The following AFDN variants were observed in gnomAD, a reference collection of about 807,000 sequenced individuals.
AFDN encodes afadin, adherens junction formation factor.
AFDN carries 68 observed loss-of-function variants against 216.6 expected under a neutral mutation model. The ratio of observed to expected loss-of-function variants is 0.31; its 90% CI spans 0.26 to 0.38. AFDN has a LOEUF of 0.38. AFDN is among the 10% of genes least tolerant of loss of function. The pLI, the probability that AFDN is intolerant of heterozygous loss-of-function variation, is 1.00. For missense variants in AFDN, 2,136 were observed against 2,342.0 expected (o/e 0.91, Z 1.82); for synonymous variants, 868 against 853.7 (o/e 1.02, Z -0.29).
chr6:167,875,628 A>G (rs1043022548), intron 5 of AFDN, 133 bp downstream of exon 5: 19 of 899,846 alleles, frequency 2.1e-5, no homozygotes, highest in Non-Finnish European at 2.9e-5. Flanking sequence ...TGTACCATAT[A>G]CTTCTGGTAC....
Position 167,844,002 on chromosome 6 carries a change from GTATT to G in AFDN, c.105+16770_105+16773del, listed in dbSNP as rs1446860925. Among the ~76,000 whole-genome samples the G allele has an allele frequency of 3.9e-5, 6 of 152,226 alleles. No homozygotes were observed. In the East Asian group the frequency reaches 1.2e-3, roughly 29 times the overall value. The stretch of plus-strand genomic sequence containing the variant: ...TTATAGCAAGAGATATGGAGAGCTT[GTATT>G]TATTAAGATTTATGTGGATAAAATT... On this transcript the variant is annotated intron_variant, in intron 1 of 33. Transcript: ENST00000683244.
chr6:167,902,092 C>CAAAAA (rs35449284), intron 11 of AFDN, among the ~76,000 whole-genome samples: 4 of 82,180 alleles, frequency 4.9e-5, no homozygotes, highest in Non-Finnish European at 9.8e-5. Flanking sequence ...GACTTCATCT[C>CAAAAA]AAAAAAAAAA....
At chr6:167,885,745 G>A (rs1217832755) in intron 6 of AFDN, among the ~76,000 whole-genome samples, 2 of 152,252 alleles carry the variant, frequency 1.3e-5, no homozygotes, top group Non-Finnish European at 2.9e-5. Flanking sequence ...CGTGCTCAAC[G>A]CAGGCTTGCC....
At chr6:167,858,709 C>A (rs1048625702) in intron 1 of AFDN, among the ~76,000 whole-genome samples, 3 of 152,154 alleles carry the variant, frequency 2.0e-5, no homozygotes, top group Admixed American at 2.0e-4. Context: ...GGTGTAAATT[C>A]TTTTTCTAGA....
intron 23 of AFDN, among the ~76,000 whole-genome samples, chr6:167,933,675 A>G (rs571443575): frequency 2.0e-4 from 31 of 152,366 alleles, no homozygotes; most frequent in Admixed American, 5.2e-4. Flanking sequence ...TTGTGTATCA[A>G]AAGCAAAATA....
At chr6:167,900,935 A>G (rs1276407989) in intron 11 of AFDN, among the ~76,000 whole-genome samples, 2 of 152,238 alleles carry the variant, frequency 1.3e-5, no homozygotes, top group Non-Finnish European at 2.9e-5. Flanking sequence ...TTGTGTGCAG[A>G]AAATTGACAA....
intron 30 of AFDN, among the ~76,000 whole-genome samples, chr6:167,955,218 T>A (rs1796376352): frequency 1.3e-5 from 2 of 152,182 alleles, no homozygotes; most frequent in Non-Finnish European, 2.9e-5. Context: ...CAAAAGCCAA[T>A]ATCAGACGGT....
In AFDN at chr6:167,970,775, A is replaced by C. The variant is rs1029794213; in HGVS notation, c.*840A>C. On this transcript the variant is annotated 3_prime_UTR_variant, in exon 34 of 34. Coordinates refer to ENST00000683244, the MANE Select transcript of AFDN (RefSeq NM_001386888.1). Reference sequence around the variant, plus strand: ...CTCCAAGGCGTCTGTAAAAGAAGATATCTTTATTGGAGCAATGTTCATGTG... The same window carrying C: ...CTCCAAGGCGTCTGTAAAAGAAGATCTCTTTATTGGAGCAATGTTCATGTG... 1 of 219,116 alleles carries C rather than the reference A, an allele frequency of 4.6e-6. No homozygotes were observed. The allele number at this position is 219,116 out of a possible 1,614,324, so 13.6% of individuals were successfully genotyped here.
At chr6:167,833,630 T>A (rs182798911) in intron 1 of AFDN, among the ~76,000 whole-genome samples, 1 of 152,338 alleles carries the variant, frequency 6.6e-6, no homozygotes, top group East Asian at 1.9e-4. Flanking sequence ...CTGATTTTTT[T>A]ATAGGAGAAC....
intron 27 of AFDN, 34 bp downstream of exon 27, chr6:167,946,935 C>T (rs768141011): frequency 1.9e-6 from 3 of 1,561,758 alleles, no homozygotes; most frequent in South Asian, 2.3e-5. Flanking sequence ...CCTAAGTACA[C>T]TTGTGATCAC....
intron 13 of AFDN, among the ~76,000 whole-genome samples, chr6:167,909,371 A>C (rs1003645343): frequency 4.6e-5 from 7 of 151,810 alleles, no homozygotes; most frequent in African/African-American, 1.5e-4. Context: ...TGGTGCATGG[A>C]GAAGGTGAGG....
chr6:167,935,735 A>G (rs548742032), intron 23 of AFDN, among the ~76,000 whole-genome samples: 1 of 152,088 alleles, frequency 6.6e-6, no homozygotes, highest in African/African-American at 2.4e-5. Flanking sequence ...TTCTGGAGTT[A>G]TCTATAATAT....
chr6:167,898,575 T>TTG (rs1380433641), intron 11 of AFDN, 108 bp downstream of exon 11: 109 of 1,256,986 alleles, frequency 8.7e-5, no homozygotes, highest in Non-Finnish European at 1.1e-4. Context: ...TTTAAAAAAA[T>TTG]ATCAAAGTGA....
intron 23 of AFDN, 55 bp downstream of exon 23, chr6:167,925,146 A>C (rs1792345331): frequency 7.8e-7 from 1 of 1,280,124 alleles, no homozygotes; most frequent in East Asian, 2.3e-5. Flanking sequence ...GCATTGAATC[A>C]GTGGTTGTCA....
chr6:167,872,008 T>C (rs1260056078), intron 3 of AFDN, among the ~76,000 whole-genome samples: 1 of 152,244 alleles, frequency 6.6e-6, no homozygotes, highest in Non-Finnish European at 1.5e-5. Context: ...ATCTTGAGTG[T>C]GCAGTTCAAT....
chr6:167,906,382 G>A (rs1789693650), intron 12 of AFDN, among the ~76,000 whole-genome samples: 1 of 152,142 alleles, frequency 6.6e-6, no homozygotes, highest in Admixed American at 6.5e-5. Context: ...AATATGAAAA[G>A]CTGGAAAGAC....
intron 1 of AFDN, among the ~76,000 whole-genome samples, chr6:167,846,846 G>T (rs959324954): frequency 1.3e-5 from 2 of 151,294 alleles, no homozygotes; most frequent in African/African-American, 4.9e-5. Flanking sequence ...CTCTGAGTTA[G>T]TAGAAATCAA....
At chr6:167,837,222 C>T (rs1248228009) in intron 1 of AFDN, among the ~76,000 whole-genome samples, 1 of 152,040 alleles carries the variant, frequency 6.6e-6, no homozygotes, top group East Asian at 1.9e-4. Context: ...CATGAAGGAG[C>T]TAGTATGTTT....
chr6:167,935,343 C>T (rs1793857310), intron 23 of AFDN, among the ~76,000 whole-genome samples: 1 of 152,154 alleles, frequency 6.6e-6, no homozygotes, highest in South Asian at 2.1e-4. Flanking sequence ...ACGTTGGGTA[C>T]CCTCTGATAC....
Sources: gnomAD v4.1 joint callset for allele counts (sites outside exome capture counted in the v4.1 genomes callset) on GRCh38, gnomAD v4.1.1 for gene constraint, MANE v1.5 for transcripts, NCBI Gene and HGNC (gene_info 2026-07-23, HGNC 2026-07-21) for gene names.